ZFYVE28: variants seen among roughly 807,000 people sequenced by gnomAD.
ZFYVE28 encodes the protein zinc finger FYVE-type containing 28.
ZFYVE28 carries 40 observed loss-of-function variants against 82.1 expected under a neutral mutation model. The observed-to-expected ratio is 0.49, with a 90% CI of 0.38 to 0.63. The LOEUF (loss-of-function observed/expected upper bound fraction) is 0.63, where lower values mean the gene tolerates loss of function less well. Ranked by LOEUF, ZFYVE28 falls within the 30% of genes least tolerant of loss-of-function variation. The pLI is 0.00. For synonymous variants in ZFYVE28, 612 were observed against 546.1 expected (o/e 1.12, Z -1.68); for missense variants, 1,321 against 1,242.1 (o/e 1.06, Z -0.96).
chr4:2,339,781 G>T lies in ZFYVE28; in HGVS notation c.319-126C>A, dbSNP rs532455893. The stretch of plus-strand genomic sequence containing the variant: ...CTCACCCCACAGCACAGGCCAGCTC[G>T]TGTTCCCGGTCCCCGCAGGAGGTTT... On this transcript the variant is annotated intron_variant, in intron 3 of 12. Coordinates refer to ENST00000290974, the MANE Select transcript of ZFYVE28 (RefSeq NM_020972.3). The surrounding 1 kb of genome is among the most constrained non-coding windows in gnomAD (Gnocchi z 5.0). 1.3e-6 allele frequency: 1 copy of T among 792,402 alleles called. No homozygotes were observed. The highest frequency in any genetic ancestry group is 2.0e-6 in the Non-Finnish European group (1 of 511,124). 49.1% of individuals were successfully genotyped at this position (792,402 alleles called of 1,614,324 possible). A position where few individuals can be genotyped will look rare whatever the true frequency, so the allele number is the denominator to read the frequency against.
intron 1 of ZFYVE28, among the ~76,000 whole-genome samples, chr4:2,407,735 C>T (rs564706926): frequency 1.7e-4 from 26 of 152,208 alleles, no homozygotes; most frequent in Admixed American, 1.6e-3. Flanking sequence ...GGATTACAGA[C>T]GCACCACCAC....
chr4:2,338,230 G>A (rs182692131), intron 4 of ZFYVE28, among the ~76,000 whole-genome samples: 1 of 152,366 alleles, frequency 6.6e-6, no homozygotes, highest in East Asian at 1.9e-4. Flanking sequence ...GCCTGCCAGT[G>A]GCTCTGAGAC....
Position 2,320,331 on chromosome 4 carries a change from C to T in ZFYVE28, c.702-60G>A, listed in dbSNP as rs572241524. The T allele has an allele frequency of 8.4e-5, 127 of 1,519,568 alleles. No individual in the cohort carries two copies. In the Admixed American group the frequency reaches 9.9e-4, roughly 12 times the overall value. 94.1% of individuals were successfully genotyped at this position (1,519,568 alleles called of 1,614,324 possible). A position where few individuals can be genotyped will look rare whatever the true frequency, so the allele number is the denominator to read the frequency against. On this transcript the variant is annotated intron_variant, in intron 6 of 12. Coordinates refer to ENST00000290974, the MANE Select transcript of ZFYVE28 (RefSeq NM_020972.3). The surrounding 1 kb of genome is among the most constrained non-coding windows in gnomAD (Gnocchi z 5.1). ...CCTGTGGCCCCCTGGGTGCCGCGGACGGCCCAACTTAACCACCTGCGAAAA... is the reference window on the plus strand; with the variant it reads ...CCTGTGGCCCCCTGGGTGCCGCGGATGGCCCAACTTAACCACCTGCGAAAA...
rs140973169 is a variant in ZFYVE28, at chr4:2,322,906, C to T, written c.702-2635G>A. Among the ~76,000 whole-genome samples the T allele has an allele frequency of 7.3e-3, 1,114 of 152,296 alleles. 18 individuals are homozygous for T. The highest frequency in any genetic ancestry group is 0.024 in the African/African-American group (1,015 of 41,560). ...TTTCAAGGCTCACCATGCTGTGGCA[C>T]GTGGCGAATGTTCCCGCGCATACAT... On this transcript the variant is annotated intron_variant, in intron 6 of 12. Coordinates refer to ENST00000290974, the MANE Select transcript of ZFYVE28 (RefSeq NM_020972.3).
intron 6 of ZFYVE28, among the ~76,000 whole-genome samples, chr4:2,327,258 ATATAT>A (rs1560208829): frequency 2.9e-3 from 7 of 2,412 alleles, no homozygotes; most frequent in Admixed American, 8.2e-3. Flanking sequence ...TCAAATATAT[ATATAT>A]ATATATATAT....
chr4:2,373,693 T>A (rs1191784576), intron 1 of ZFYVE28, among the ~76,000 whole-genome samples: 2 of 152,138 alleles, frequency 1.3e-5, no homozygotes, highest in Non-Finnish European at 2.9e-5. Context: ...CATGCACTCG[T>A]ATGCCCTGGC....
At position 2,320,245 on chromosome 4, in the gene ZFYVE28, G is replaced by C. The variant is rs1172170989; in HGVS notation, c.728C>G (p.Pro243Arg). The C allele has an allele frequency of 6.2e-7, 1 of 1,613,984 alleles. No individual in the cohort carries two copies. The highest frequency in any genetic ancestry group is 2.2e-5 in the East Asian group (1 of 44,866). ...TTCCACCTTGCGGTCCAAGTTCAGA[G>C]GTCCGTCCGCATAGACCACGAGGCC... The part of the protein sequence containing the change: ...VCGLVVYADG[P>R]LNLDRKVEDM... Residue 243 changes from proline (P) to arginine (R), a missense_variant, in exon 7 of 13, where the codon CCT becomes CGT. Around this residue, in one of 2 missense-constraint regions of ZFYVE28, gnomAD observed 343 missense variants for 408.4 expected, o/e 0.84. Coordinates refer to ENST00000290974, the MANE Select transcript of ZFYVE28 (RefSeq NM_020972.3). This position sits in a 1 kb window ranked among gnomAD's most constrained non-coding sequence, Gnocchi z 5.1.
rs1174443214 is a variant in ZFYVE28, at chr4:2,408,360, T to A, written c.39+9925A>T. 2.0e-5 allele frequency among the ~76,000 whole-genome samples: 3 copies of A among 151,504 alleles called. No individual in the cohort carries two copies. Among genetic ancestry groups the A allele is most frequent in the Middle Eastern group, 3.2e-3 (1 of 314 alleles). On this transcript the variant is annotated intron_variant, in intron 1 of 12. Coordinates refer to ENST00000290974, the MANE Select transcript of ZFYVE28 (RefSeq NM_020972.3). The surrounding 1 kb of genome is among the most constrained non-coding windows in gnomAD (Gnocchi z 4.3). Reference sequence around the variant, plus strand: ...GAAGTGGAGGTGACAGCCCCCCCCATTTAATGGGGGCTGGCCCTATGGACA... The same window carrying A: ...GAAGTGGAGGTGACAGCCCCCCCCAATTAATGGGGGCTGGCCCTATGGACA...
In ZFYVE28 at chr4:2,368,211, C is replaced by CAAAA. The variant is rs34092714; in HGVS notation, c.40-14142_40-14139dup. On this transcript the variant is annotated intron_variant, in intron 1 of 12. Coordinates refer to ENST00000290974, the MANE Select transcript of ZFYVE28 (RefSeq NM_020972.3). ...TGGGCAACAAAGCAACACATCTCTA[C>CAAAA]AAAAAAAAAAAAAAAAAAACACTGT... Among the ~76,000 whole-genome samples, 178 of 86,174 alleles carry CAAAA rather than the reference C, an allele frequency of 2.1e-3. 4 individuals carry two copies. Among genetic ancestry groups the CAAAA allele is most frequent in the African/African-American group, 7.2e-3 (164 of 22,754 alleles). 56.5% of individuals were successfully genotyped at this position (86,174 alleles called of 152,430 possible). A position where few individuals can be genotyped will look rare whatever the true frequency, so the allele number is the denominator to read the frequency against.
rs1044157991 is a variant in ZFYVE28, at chr4:2,408,247, T to G, written c.39+10038A>C. Among the ~76,000 whole-genome samples, 15 of 151,930 alleles carry G rather than the reference T, an allele frequency of 9.9e-5. No homozygotes were observed. Among genetic ancestry groups the G allele is most frequent in the African/African-American group, 2.4e-5 (1 of 41,338 alleles). On this transcript the variant is annotated intron_variant, in intron 1 of 12. Transcript: ENST00000290974. The surrounding 1 kb of genome is among the most constrained non-coding windows in gnomAD (Gnocchi z 4.3). Reference sequence around the variant, plus strand: ...ACCATGCCCTGGGCCTCCCTGTGAGTGCTCCCAAGAACATCCTACCAAGCC... The same window carrying G: ...ACCATGCCCTGGGCCTCCCTGTGAGGGCTCCCAAGAACATCCTACCAAGCC...
intron 8 of ZFYVE28, among the ~76,000 whole-genome samples, chr4:2,301,871 A>C (rs1715589483): frequency 6.6e-6 from 1 of 152,214 alleles, no homozygotes. Flanking sequence ...GCTGCATCTC[A>C]AAAACGGCCT....
chr4:2,344,936 G>A (rs1385906307), intron 2 of ZFYVE28, among the ~76,000 whole-genome samples: 2 of 151,788 alleles, frequency 1.3e-5, no homozygotes, highest in Non-Finnish European at 2.9e-5. Flanking sequence ...AAACGGCCAG[G>A]CGCGGTGGCT....
At chr4:2,275,538 C>T (rs187015046) in intron 8 of ZFYVE28, among the ~76,000 whole-genome samples, 1 of 152,268 alleles carries the variant, frequency 6.6e-6, no homozygotes, top group African/African-American at 2.4e-5. Context: ...TTTTCAGTTG[C>T]CACTGGCATC....
At chr4:2,396,121 A>C (rs55734458) in intron 1 of ZFYVE28, among the ~76,000 whole-genome samples, 7,000 of 86,826 alleles carry the variant, frequency 0.081, 783 homozygotes, top group Middle Eastern at 0.15. Context: ...CAGAGGGGCC[A>C]CAAGGCGGGG....
chr4:2,399,083 A>AGGTGAGATCCAGGGCACAAGCGCGG lies in ZFYVE28; in HGVS notation c.39+19201_39+19202insCCGCGCTTGTGCCCTGGATCTCACC, dbSNP rs1297197658. ...AGGTGAGATCCAGGGCACAAGCGTG[A>AGGTGAGATCCAGGGCACAAGCGCGG]AGGTGAGATCCAGGGCACAAGCTGG... On this transcript the variant is annotated intron_variant, in intron 1 of 12. Coordinates refer to ENST00000290974, the MANE Select transcript of ZFYVE28 (RefSeq NM_020972.3). 1.7e-5 allele frequency among the ~76,000 whole-genome samples: 2 copies of AGGTGAGATCCAGGGCACAAGCGCGG among 117,502 alleles called. 1 individual carries two copies. The highest frequency in any genetic ancestry group is 3.5e-5 in the Non-Finnish European group (2 of 57,930). The allele number at this position is 117,502 out of a possible 152,430, so 77.1% of individuals were successfully genotyped here.
At chr4:2,338,578 G>A (rs1319630778) in intron 4 of ZFYVE28, among the ~76,000 whole-genome samples, 1 of 152,208 alleles carries the variant, frequency 6.6e-6, no homozygotes, top group East Asian at 1.9e-4. Context: ...GGGCAACAGA[G>A]TGAGACTCCG....
At chr4:2,346,298 C>T (rs1418662698) in intron 2 of ZFYVE28, among the ~76,000 whole-genome samples, 7 of 149,050 alleles carry the variant, frequency 4.7e-5, no homozygotes, top group African/African-American at 7.5e-5. Flanking sequence ...GCCGAGATCG[C>T]GCCACTGCAC....
intron 1 of ZFYVE28, among the ~76,000 whole-genome samples, chr4:2,379,883 G>A (rs1728551317): frequency 6.6e-6 from 1 of 151,974 alleles, no homozygotes; most frequent in African/African-American, 2.4e-5. Context: ...CATCTCCCGG[G>A]TTCAAGCAAT....
In ZFYVE28 at chr4:2,418,341, C is replaced by G. The variant is rs375205739; in HGVS notation, c.-18G>C. The G allele has an allele frequency of 4.0e-4, 601 of 1,500,202 alleles. 2 individuals carry two copies. In the African/African-American group the frequency reaches 7.6e-3, roughly 19 times the overall value. 92.9% of individuals were successfully genotyped at this position (1,500,202 alleles called of 1,614,324 possible). Reference sequence around the variant, plus strand: ...TTCATCATCGCCGCGCCGGCCCTGGCCGGACTCCGGGCGGCCCTCGCCCTC... The same window carrying G: ...TTCATCATCGCCGCGCCGGCCCTGGGCGGACTCCGGGCGGCCCTCGCCCTC... On this transcript the variant is annotated 5_prime_UTR_variant, in exon 1 of 13. Coordinates refer to ENST00000290974, the MANE Select transcript of ZFYVE28 (RefSeq NM_020972.3). This position sits in a 1 kb window ranked among gnomAD's most constrained non-coding sequence, Gnocchi z 4.6.
Sources: gnomAD v4.1 joint callset for allele counts (sites outside exome capture counted in the v4.1 genomes callset) on GRCh38, gnomAD v4.1.1 for gene constraint, gnomAD v4.1.1 regional missense constraint, Gnocchi (gnomAD v3.1) non-coding constraint, MANE v1.5 for transcripts, NCBI Gene and HGNC (gene_info 2026-07-23, HGNC 2026-07-21) for gene names.